Variants in HPSE2 observed in about 807,000 individuals in gnomAD.
The protein encoded by HPSE2 is inactive heparanase-2.
HPSE2 carries 38 observed loss-of-function variants against 60.5 expected under a neutral mutation model. That is an observed-to-expected ratio of 0.63 (90% CI 0.48 to 0.82). HPSE2 has a LOEUF of 0.82. Among genes scored for constraint, HPSE2 ranks in the 40% least tolerant of loss-of-function variants. The pLI, the probability that HPSE2 is intolerant of heterozygous loss-of-function variation, is 0.00. For missense variants in HPSE2, 713 were observed against 740.4 expected (o/e 0.96, Z 0.43); for synonymous variants, 295 against 293.2 (o/e 1.01, Z -0.06).
intron 9 of HPSE2, among the ~76,000 whole-genome samples, chr10:98,593,788 T>C (rs570823045): frequency 2.6e-5 from 4 of 152,326 alleles, no homozygotes; most frequent in South Asian, 4.1e-4. Context: ...TCTCCAGTTA[T>C]ATTAAGGATT....
In HPSE2 at chr10:99,088,502, A is replaced by G. The variant is rs576149521; in HGVS notation, c.610+55736T>C. On this transcript the variant is annotated intron_variant, in intron 3 of 11. Coordinates refer to ENST00000370552, the MANE Select transcript of HPSE2 (RefSeq NM_021828.5). ...ACTTCACTTAGAATAATGGTCTCCAATTCCATCCAGGTTGCTGTAATTGCC... is the reference window on the plus strand; with the variant it reads ...ACTTCACTTAGAATAATGGTCTCCAGTTCCATCCAGGTTGCTGTAATTGCC... Among the ~76,000 whole-genome samples, 44 of 152,284 alleles carry G rather than the reference A, an allele frequency of 2.9e-4. No homozygotes were observed. The South Asian group carries it at 6.8e-3, about 24-fold the overall frequency.
intron 2 of HPSE2, among the ~76,000 whole-genome samples, chr10:99,202,847 A>G (rs1354909544): frequency 6.6e-6 from 1 of 152,162 alleles, no homozygotes; most frequent in African/African-American, 2.4e-5. Flanking sequence ...AAAAATAAGA[A>G]AAGACATACT....
chr10:99,283,837 G>A, the HPSE2 span, among the ~76,000 whole-genome samples: 3 of 152,180 alleles, frequency 2.0e-5, no homozygotes, highest in South Asian at 4.1e-4. Flanking sequence ...TCTAAAACAA[G>A]TAAGGAGATT....
At chr10:99,236,438 G>T (rs1247274175), upstream of HPSE2, among the ~76,000 whole-genome samples, 5 of 152,072 alleles carry the variant, frequency 3.3e-5, no homozygotes, top group Non-Finnish European at 7.4e-5. Context: ...TCCTGACAGC[G>T]TCAGGCACTT....
intron 2 of HPSE2, among the ~76,000 whole-genome samples, chr10:99,184,954 A>T (rs1410260130): frequency 1.3e-5 from 2 of 150,736 alleles, no homozygotes; most frequent in Non-Finnish European, 3.0e-5. Context: ...GGTACCTCCA[A>T]AAAAATGAAG....
intron 3 of HPSE2, among the ~76,000 whole-genome samples, chr10:98,894,997 C>T (rs956153020): frequency 3.9e-5 from 6 of 151,966 alleles, no homozygotes; most frequent in Non-Finnish European, 1.5e-5. Context: ...AAATAACCAT[C>T]AACCTGGAAT....
chr10:98,978,873 G>A (rs1956145249), intron 3 of HPSE2, among the ~76,000 whole-genome samples: 1 of 152,142 alleles, frequency 6.6e-6, no homozygotes, highest in African/African-American at 2.4e-5. Flanking sequence ...TCGACACTTG[G>A]TCATTTGTGG....
At chr10:99,024,873 G>A (rs1318169332) in intron 3 of HPSE2, among the ~76,000 whole-genome samples, 1 of 152,098 alleles carries the variant, frequency 6.6e-6, no homozygotes, top group Non-Finnish European at 1.5e-5. Context: ...AACAAAAGCT[G>A]AGGGATTTCA....
At chr10:99,172,425 A>C (rs988063425) in intron 2 of HPSE2, among the ~76,000 whole-genome samples, 13 of 152,188 alleles carry the variant, frequency 8.5e-5, no homozygotes, top group Non-Finnish European at 2.9e-5. Context: ...GCTGGTGATC[A>C]ATTCAAACGA....
intron 3 of HPSE2, among the ~76,000 whole-genome samples, chr10:98,815,265 G>C (rs1951258862): frequency 6.6e-6 from 1 of 152,172 alleles, no homozygotes; most frequent in Admixed American, 6.5e-5. Context: ...CTGGGCAACA[G>C]AGCAAGACAC....
chr10:98,539,888 T>C (rs1037275046), intron 9 of HPSE2, among the ~76,000 whole-genome samples: 2 of 152,236 alleles, frequency 1.3e-5, no homozygotes, highest in African/African-American at 2.4e-5. Flanking sequence ...TGTCTTCTGC[T>C]ATTCGCCCTG....
the HPSE2 span, among the ~76,000 whole-genome samples, chr10:99,282,055 C>CT: frequency 1.3e-5 from 2 of 152,018 alleles, no homozygotes; most frequent in African/African-American, 2.4e-5. Flanking sequence ...GTCAGGAGAT[C>CT]GAGACCATCC....
chr10:99,154,675 T>C (rs563612259), intron 2 of HPSE2, among the ~76,000 whole-genome samples: 4 of 151,192 alleles, frequency 2.6e-5, no homozygotes, highest in Non-Finnish European at 5.9e-5. Flanking sequence ...CCATCGAAAC[T>C]AGGAAGAAAC....
intron 6 of HPSE2, among the ~76,000 whole-genome samples, chr10:98,676,160 T>C (rs1276753153): frequency 1.3e-5 from 2 of 152,136 alleles, no homozygotes; most frequent in Non-Finnish European, 2.9e-5. Flanking sequence ...CCCGATATAA[T>C]GTATGCGATG....
chr10:99,116,857 G>A (rs1298193130), intron 3 of HPSE2, among the ~76,000 whole-genome samples: 3 of 152,118 alleles, frequency 2.0e-5, no homozygotes, highest in Non-Finnish European at 4.4e-5. Flanking sequence ...TAGAATGCAG[G>A]CAGGTTATAT....
intron 3 of HPSE2, among the ~76,000 whole-genome samples, chr10:98,749,947 T>TATATATATATATACATATATATACAC: frequency 1.0e-5 from 1 of 98,484 alleles, no homozygotes; most frequent in Non-Finnish European, 2.2e-5. Context: ...TATATATATA[T>TATATATATATATACATATATATACAC]ACACACACAC....
intron 3 of HPSE2, among the ~76,000 whole-genome samples, chr10:98,901,870 G>A (rs1451066512): frequency 2.6e-5 from 4 of 152,148 alleles, no homozygotes; most frequent in Non-Finnish European, 5.9e-5. Context: ...AAGAGGTAAT[G>A]CATGTAAAGC....
At chr10:98,984,825 C>T (rs756227120) in intron 3 of HPSE2, among the ~76,000 whole-genome samples, 25 of 152,244 alleles carry the variant, frequency 1.6e-4, no homozygotes, top group South Asian at 4.1e-4. Context: ...AACCACGGCA[C>T]GAGAACTACG....
Position 98,769,132 on chromosome 10 carries a change from T to C in HPSE2, c.611-25076A>G, listed in dbSNP as rs115483252. Among the ~76,000 whole-genome samples the C allele has an allele frequency of 6.1e-3, 924 of 152,298 alleles. 4 individuals are homozygous for C. The highest frequency in any genetic ancestry group is 0.021 in the African/African-American group (871 of 41,576). On this transcript the variant is annotated intron_variant, in intron 3 of 11. Transcript: ENST00000370552. ...AATAAGAAAATGGATATCAATAAAC[T>C]GTTCTTGAAAGGTATAAAGTATACG...
Sources: gnomAD v4.1 joint callset for allele counts (sites outside exome capture counted in the v4.1 genomes callset) on GRCh38, gnomAD v4.1.1 for gene constraint, MANE v1.5 for transcripts, NCBI Gene and HGNC (gene_info 2026-07-23, HGNC 2026-07-21) for gene names.